SHANK2: variants seen among roughly 807,000 people sequenced by gnomAD.
The protein encoded by SHANK2 is SH3 and multiple ankyrin repeat domains protein 2.
SHANK2 carries 43 observed loss-of-function variants against 133.7 expected under a neutral mutation model. The observed-to-expected ratio is 0.32, with a 90% confidence interval of 0.25 to 0.41. The LOEUF (loss-of-function observed/expected upper bound fraction) is 0.41. Among genes scored for constraint, SHANK2 ranks in the 10% least tolerant of loss-of-function variants. The pLI is 1.00. For missense variants in SHANK2, 1,994 were observed against 2,235.8 expected (o/e 0.89, Z 2.18); for synonymous variants, 1,017 against 952.8 (o/e 1.07, Z -1.24).
Position 70,628,311 on chromosome 11 carries a change from C to G in SHANK2, c.2061+31517G>C, listed in dbSNP as rs1337362039. ...ATCCACAGGTTAGGCTGGGAGGGTC[C>G]GGGAGCAGAACGTGGAAGCCAAATT... On this transcript the variant is annotated intron_variant, in intron 17 of 25. Coordinates refer to ENST00000601538, the MANE Select transcript of SHANK2 (RefSeq NM_012309.5). Among the ~76,000 whole-genome samples the G allele has an allele frequency of 2.0e-5, 3 of 152,170 alleles. No homozygotes were observed. The East Asian group carries it at 5.8e-4, about 29-fold the overall frequency.
At chr11:70,952,044 G>A (rs577191054) in intron 10 of SHANK2, among the ~76,000 whole-genome samples, 21 of 152,294 alleles carry the variant, frequency 1.4e-4, no homozygotes, top group Admixed American at 7.8e-4. Context: ...ATGAATTTAC[G>A]GGGCAAACGC....
intron 11 of SHANK2, among the ~76,000 whole-genome samples, chr11:70,893,316 T>C (rs1949880417): frequency 6.6e-6 from 1 of 151,400 alleles, no homozygotes; most frequent in Non-Finnish European, 1.5e-5. Flanking sequence ...GGGAAGAGAG[T>C]ATGAGACCCT....
In SHANK2 at chr11:70,490,379, G is replaced by A. The variant is rs138021001; in HGVS notation, c.2448C>T (p.Tyr816=). The A allele has an allele frequency of 1.2e-4, 196 of 1,614,088 alleles. 1 individual carries two copies. The African/African-American group carries it at 2.3e-3, about 19-fold the overall frequency. ...FPAGSDMNSV[Y]ERQGIAVMTP... ...TCATCACGGCGATTCCTTGGCGTTC[G>A]TACACAGACTGCAAACCAGAGAGCC... Residue 816 remains tyrosine, a synonymous_variant, in exon 23 of 26, where the codon TAC becomes TAT. Transcript: ENST00000601538.
At chr11:70,862,491 A>G (rs1555067994) in intron 11 of SHANK2, among the ~76,000 whole-genome samples, 2 of 152,184 alleles carry the variant, frequency 1.3e-5, no homozygotes, top group East Asian at 3.9e-4. Flanking sequence ...GGACTGGCTG[A>G]TGGACAGGAC....
intron 14 of SHANK2, among the ~76,000 whole-genome samples, chr11:70,718,187 C>T (rs1945987200): frequency 1.3e-5 from 2 of 152,180 alleles, no homozygotes; most frequent in Non-Finnish European, 2.9e-5. Context: ...TTAGGATGGG[C>T]CGGAGGTGTC....
intron 2 of SHANK2, among the ~76,000 whole-genome samples, chr11:71,147,622 G>A (rs1952683137): frequency 1.3e-5 from 2 of 152,210 alleles, no homozygotes; most frequent in Non-Finnish European, 1.5e-5. Context: ...TGAAACCCCG[G>A]CACTCAAAAG....
intron 10 of SHANK2, among the ~76,000 whole-genome samples, chr11:70,908,550 G>A (rs1319058341): frequency 2.0e-5 from 3 of 152,222 alleles, no homozygotes; most frequent in African/African-American, 7.2e-5. Flanking sequence ...ATCTGCAGGT[G>A]TTCTGGGTGA....
At chr11:70,711,124 C>G (rs1945772761) in intron 14 of SHANK2, among the ~76,000 whole-genome samples, 1 of 152,100 alleles carries the variant, frequency 6.6e-6, no homozygotes, top group Non-Finnish European at 1.5e-5. Context: ...CCCAAAGAGG[C>G]AAAAATCACA....
chr11:70,938,752 G>A (rs547021923), intron 10 of SHANK2, among the ~76,000 whole-genome samples: 1 of 152,282 alleles, frequency 6.6e-6, no homozygotes, highest in South Asian at 2.1e-4. Context: ...CAGAGGAACA[G>A]CATATGCAAA....
chr11:70,877,781 G>A (rs1412443448), intron 11 of SHANK2, among the ~76,000 whole-genome samples: 23 of 152,208 alleles, frequency 1.5e-4, no homozygotes, highest in Admixed American at 1.4e-3. Context: ...CAAGCAGAGG[G>A]AAGCCAAATA....
intron 4 of SHANK2, among the ~76,000 whole-genome samples, chr11:71,113,837 G>T (rs1951931450): frequency 6.6e-6 from 1 of 152,218 alleles, no homozygotes; most frequent in South Asian, 2.1e-4. Context: ...CTGTACTCCT[G>T]CAACCTCTGC....
Position 70,933,740 on chromosome 11 carries a change from C to A in SHANK2, c.1108-37173G>T, listed in dbSNP as rs1555082932. Among the ~76,000 whole-genome samples the A allele has an allele frequency of 2.0e-5, 3 of 151,626 alleles. No individual in the cohort carries two copies. In the South Asian group the frequency reaches 6.3e-4, roughly 32 times the overall value. Reference sequence around the variant, plus strand: ...TTCAAGACCAGCCTGGCCAACATGGCGAAATCCTGTCTCTACTAAAAATAC... The same window carrying A: ...TTCAAGACCAGCCTGGCCAACATGGAGAAATCCTGTCTCTACTAAAAATAC... On this transcript the variant is annotated intron_variant, in intron 10 of 25. Transcript: ENST00000601538.
Position 70,472,673 on chromosome 11 carries a change from G to A in SHANK2, c.*196C>T. On this transcript the variant is annotated 3_prime_UTR_variant, in exon 26 of 26. Coordinates refer to ENST00000601538, the MANE Select transcript of SHANK2 (RefSeq NM_012309.5). The surrounding 1 kb of genome is among the most constrained non-coding windows in gnomAD (Gnocchi z 4.4). Reference sequence around the variant, plus strand: ...CCCATGTGTGATAGAAACTGCCCAAGACACCCACATGGTGAGCCAGGGGTC... The same window carrying A: ...CCCATGTGTGATAGAAACTGCCCAAAACACCCACATGGTGAGCCAGGGGTC... 1.6e-6 allele frequency: 1 copy of A among 622,328 alleles called. No individual in the cohort carries two copies. Among genetic ancestry groups the A allele is most frequent in the Non-Finnish European group, 2.9e-6 (1 of 349,214 alleles). The allele number at this position is 622,328 out of a possible 1,614,324, so 38.6% of individuals were successfully genotyped here.
intron 17 of SHANK2, among the ~76,000 whole-genome samples, chr11:70,619,201 A>G (rs557856033): frequency 6.6e-6 from 1 of 152,212 alleles, no homozygotes; most frequent in Admixed American, 6.5e-5. Flanking sequence ...AATTACTACA[A>G]ATTTAGTGGC....
intron 17 of SHANK2, among the ~76,000 whole-genome samples, chr11:70,607,085 C>T (rs1018912035): frequency 1.3e-5 from 2 of 152,292 alleles, no homozygotes; most frequent in Non-Finnish European, 2.9e-5. Context: ...GGATCTGAGG[C>T]CTCAGCCCTC....
intron 3 of SHANK2, among the ~76,000 whole-genome samples, chr11:71,145,060 A>G (rs1412127069): frequency 2.6e-5 from 4 of 152,228 alleles, no homozygotes; most frequent in Non-Finnish European, 2.9e-5. Context: ...TATAAGAGGC[A>G]TTAAATAATA....
chr11:71,071,129 G>A (rs1951136381), intron 9 of SHANK2, among the ~76,000 whole-genome samples: 1 of 152,176 alleles, frequency 6.6e-6, no homozygotes, highest in East Asian at 1.9e-4. Flanking sequence ...AATCTACTGG[G>A]GAAAATTAAG....
At chr11:70,593,653 G>C (rs1402478827) in intron 17 of SHANK2, among the ~76,000 whole-genome samples, 1 of 152,222 alleles carries the variant, frequency 6.6e-6, no homozygotes, top group East Asian at 1.9e-4. Context: ...TGAACGGAGT[G>C]AAGAGTGAGC....
At chr11:70,796,178 G>T (rs1458984125) in intron 14 of SHANK2, among the ~76,000 whole-genome samples, 7 of 152,154 alleles carry the variant, frequency 4.6e-5, no homozygotes, top group Admixed American at 1.3e-4. Flanking sequence ...AAAGCCATAC[G>T]TTCTCATCTA....
Sources: gnomAD v4.1 joint callset for allele counts (sites outside exome capture counted in the v4.1 genomes callset) on GRCh38, gnomAD v4.1.1 for gene constraint, Gnocchi (gnomAD v3.1) non-coding constraint, MANE v1.5 for transcripts, NCBI Gene and HGNC (gene_info 2026-07-23, HGNC 2026-07-21) for gene names.